ADGRL4: variants seen among roughly 807,000 people sequenced by gnomAD.
ADGRL4 encodes the protein EGF, latrophilin and seven transmembrane domain containing 1.
In ADGRL4, 90 loss-of-function variants were observed where a neutral mutation model predicts 74.8. The ratio of observed to expected loss-of-function variants is 1.20; its 90% confidence interval spans 1.02 to 1.43. The LOEUF (loss-of-function observed/expected upper bound fraction) is 1.43. Ranked by LOEUF, ADGRL4 falls within the 40% of genes most tolerant of loss-of-function variation. The pLI is 0.00. For synonymous variants in ADGRL4, 311 were observed against 279.2 expected, an observed-to-expected ratio of 1.11 and a Z score of -1.14; for missense variants, 881 against 814.3, an observed-to-expected ratio of 1.08 and a Z score of -1.00.
intron 12 of ADGRL4, among the ~76,000 whole-genome samples, chr1:78,910,204 A>C (rs1038145108): frequency 2.0e-5 from 3 of 151,832 alleles, no homozygotes; most frequent in African/African-American, 7.2e-5. Context: ...CTACTAAAAA[A>C]TGTAATAAGA....
intron 2 of ADGRL4, among the ~76,000 whole-genome samples, chr1:78,948,326 T>C (rs949949073): frequency 6.6e-6 from 1 of 152,120 alleles, no homozygotes; most frequent in African/African-American, 2.4e-5. Flanking sequence ...GTGGGTAATG[T>C]AACAGTTTGA....
rs1649398415 is a variant in ADGRL4, at chr1:78,938,204, C to G, written c.472G>C (p.Asp158His). 1 of 1,611,230 alleles carries G rather than the reference C, an allele frequency of 6.2e-7. No homozygotes were observed. The highest frequency in any genetic ancestry group is 1.3e-5 in the African/African-American group (1 of 74,812). Residue 158 changes from aspartate (D) to histidine (H), a missense_variant, in exon 5 of 15, where the codon GAT (aspartate) becomes CAT (histidine). Asp to His is a moderately conservative substitution (Grantham distance 81). Transcript: ENST00000370742. ...RNSVTDLSPT[D>H]IITYIEILAE... Reference sequence around the variant, plus strand: ...AATATTTCTATATATGTAATTATATCTGTTGGTGAAAGATCTGTCACAGAA... The same window carrying G: ...AATATTTCTATATATGTAATTATATGTGTTGGTGAAAGATCTGTCACAGAA...
At chr1:78,892,979 T>C in intron 13 of ADGRL4, 119 bp downstream of exon 13, 2 of 625,498 alleles carry the variant, frequency 3.2e-6, no homozygotes, top group South Asian at 4.5e-5. Context: ...GTCTTTTAAA[T>C]ATGGTAAAGT....
chr1:78,900,511 C>A (rs1178258200), intron 12 of ADGRL4, among the ~76,000 whole-genome samples: 1 of 152,062 alleles, frequency 6.6e-6, no homozygotes, highest in East Asian at 1.9e-4. Flanking sequence ...TGGCTCTGTG[C>A]CCCCACCCAA....
intron 2 of ADGRL4, among the ~76,000 whole-genome samples, chr1:78,958,298 T>C (rs1314163482): frequency 2.6e-5 from 4 of 152,144 alleles, no homozygotes; most frequent in African/African-American, 9.7e-5. Context: ...AGAAATACAC[T>C]TTTATAAGGT....
At chr1:78,960,318 G>C (rs1649924639) in intron 2 of ADGRL4, among the ~76,000 whole-genome samples, 1 of 151,956 alleles carries the variant, frequency 6.6e-6, no homozygotes, top group South Asian at 2.1e-4. Context: ...ATATATGTTT[G>C]TAAATATCTA....
Position 78,975,056 on chromosome 1 carries a change from G to A in ADGRL4, c.173-28630C>T, listed in dbSNP as rs112985322. Among the ~76,000 whole-genome samples, 728 of 152,220 alleles carry A rather than the reference G, an allele frequency of 4.8e-3. 8 individuals carry two copies. The highest frequency in any genetic ancestry group is 0.017 in the African/African-American group (696 of 41,546). The stretch of plus-strand genomic sequence containing the variant: ...GAACAAAACCAACAAACAGACTGTA[G>A]TGGGCAGGTAAAATTTTGTCTTTTG... On this transcript the variant is annotated intron_variant, in intron 2 of 14. Coordinates refer to ENST00000370742, the MANE Select transcript of ADGRL4 (RefSeq NM_022159.4).
intron 2 of ADGRL4, among the ~76,000 whole-genome samples, chr1:78,996,030 AT>A (rs1311892450): frequency 6.6e-6 from 1 of 152,178 alleles, no homozygotes; most frequent in East Asian, 1.9e-4. Flanking sequence ...TAATCTAGAA[AT>A]TATTTTATTA....
In ADGRL4 at chr1:78,965,980, T is replaced by C. The variant is rs74452251; in HGVS notation, c.173-19554A>G. Among the ~76,000 whole-genome samples, 63 of 141,720 alleles carry C rather than the reference T, an allele frequency of 4.4e-4. 1 individual carries two copies. In the East Asian group the frequency reaches 0.013, roughly 29 times the overall value. 93.0% of individuals were successfully genotyped at this position (141,720 alleles called of 152,430 possible). A position where few individuals can be genotyped will look rare whatever the true frequency, so the allele number is the denominator to read the frequency against. Reference sequence around the variant, plus strand: ...GTTTATTTCATTTTAACAGTGATGATAGGACAGAACCAAAAAAAAAAAAAC... The same window carrying C: ...GTTTATTTCATTTTAACAGTGATGACAGGACAGAACCAAAAAAAAAAAAAC... On this transcript the variant is annotated intron_variant, in intron 2 of 14. Coordinates refer to ENST00000370742, the MANE Select transcript of ADGRL4 (RefSeq NM_022159.4).
Position 78,947,506 on chromosome 1 carries a change from T to C in ADGRL4, c.173-1080A>G, listed in dbSNP as rs921925948. On this transcript the variant is annotated intron_variant, in intron 2 of 14. Coordinates refer to ENST00000370742, the MANE Select transcript of ADGRL4 (RefSeq NM_022159.4). ...ACGTTTTCACGTTTTTGAAGCAGCA[T>C]GGTTCTGCTGACACCTTGATTTTAG... 2.0e-5 allele frequency among the ~76,000 whole-genome samples: 3 copies of C among 152,278 alleles called. No homozygotes were observed. The East Asian group carries it at 5.8e-4, about 29-fold the overall frequency.
At chr1:78,978,895 T>G (rs1570268435) in intron 2 of ADGRL4, among the ~76,000 whole-genome samples, 1 of 152,114 alleles carries the variant, frequency 6.6e-6, no homozygotes, top group East Asian at 1.9e-4. Flanking sequence ...TAACATCCTA[T>G]AAATACACTG....
chr1:78,909,032 A>G (rs934832376), intron 12 of ADGRL4, among the ~76,000 whole-genome samples: 1 of 151,942 alleles, frequency 6.6e-6, no homozygotes, highest in Non-Finnish European at 1.5e-5. Context: ...AATATGAAAA[A>G]AAGTGGAAAA....
At chr1:79,006,499 G>T in intron 1 of ADGRL4, 134 bp downstream of exon 1, 1 of 980,050 alleles carries the variant, frequency 1.0e-6, no homozygotes, top group Non-Finnish European at 1.5e-6. Flanking sequence ...ATCCTGAGAA[G>T]TACTAAATCA....
chr1:78,899,405 A>T (rs2100653580), intron 12 of ADGRL4, among the ~76,000 whole-genome samples: 1 of 152,286 alleles, frequency 6.6e-6, no homozygotes, highest in Middle Eastern at 3.4e-3. Flanking sequence ...CCCAGGCTGG[A>T]GTGCAGCGGT....
intron 4 of ADGRL4, among the ~76,000 whole-genome samples, chr1:78,938,627 T>C (rs1649410472): frequency 6.6e-6 from 1 of 152,108 alleles, no homozygotes; most frequent in African/African-American, 2.4e-5. Flanking sequence ...TTAGTACTTA[T>C]AAATATTGAT....
intron 2 of ADGRL4, among the ~76,000 whole-genome samples, chr1:78,956,421 A>G (rs1234171902): frequency 2.0e-5 from 3 of 152,172 alleles, no homozygotes. Flanking sequence ...AGAAATGGCA[A>G]CAAACTCATA....
At chr1:78,914,409 C>T (rs944781617) in intron 12 of ADGRL4, among the ~76,000 whole-genome samples, 6 of 151,816 alleles carry the variant, frequency 4.0e-5, no homozygotes, top group Non-Finnish European at 7.4e-5. Context: ...CCAATTAACA[C>T]GGTGAACTTA....
At chr1:78,969,614 T>A (rs986641472) in intron 2 of ADGRL4, among the ~76,000 whole-genome samples, 5 of 152,070 alleles carry the variant, frequency 3.3e-5, no homozygotes, top group African/African-American at 7.2e-5. Context: ...GAGGAAATAG[T>A]TACTCTTGCT....
chr1:78,941,180 T>C (rs1018446596), intron 3 of ADGRL4, among the ~76,000 whole-genome samples: 1 of 152,174 alleles, frequency 6.6e-6, no homozygotes, highest in Non-Finnish European at 1.5e-5. Context: ...GGAGAAGTAA[T>C]GACAAGTGAC....
Sources: allele counts gnomAD v4.1 joint callset (sites outside exome capture counted in the v4.1 genomes callset), GRCh38; gene constraint gnomAD v4.1.1; transcripts MANE v1.5; gene names NCBI Gene and HGNC (gene_info 2026-07-23, HGNC 2026-07-21).